The following CNIH1 variants were observed in gnomAD, a reference collection of about 807,000 sequenced individuals.
CNIH1 encodes the protein cornichon family member 1, also known as protein cornichon homolog 1.
CNIH1 carries 12 observed loss-of-function variants against 20.2 expected under a neutral mutation model. The observed-to-expected ratio is 0.59, with a 90% confidence interval of 0.38 to 0.96. The LOEUF (loss-of-function observed/expected upper bound fraction) is 0.96, where lower values mean the gene tolerates loss of function less well. Ranked by LOEUF, CNIH1 falls within the 40% of genes least tolerant of loss-of-function variation. The probability of loss-of-function intolerance (pLI) is 0.00; values close to 1 mark genes in which losing one functional copy is unlikely to be tolerated. For missense variants in CNIH1, 152 were observed against 178.8 expected (o/e 0.85, Z 0.85); for synonymous variants, 69 against 63.3 (o/e 1.09, Z -0.43).
rs902465607 is a variant in CNIH1 at position 54,427,888 on chromosome 14, A to C, written c.408-47T>G. On this transcript the variant is annotated intron_variant, in intron 4 of 4. Transcript: ENST00000216416. ...TTAATTTGAACATTACTAATTATTA[A>C]AAAAAAACTCAGAGCATGAGAGAGT... The C allele has an allele frequency of 9.5e-6, 15 of 1,583,452 alleles. 1 individual carries two copies. In the African/African-American group the frequency reaches 1.5e-4, roughly 16 times the overall value.
chr14:54,428,018 G>C (rs987398847), intron 4 of CNIH1, among the ~76,000 whole-genome samples, 177 bp from the exon 5 acceptor site: 1 of 152,004 alleles, frequency 6.6e-6, no homozygotes, highest in Admixed American at 6.6e-5. Context: ...ATATGACTTG[G>C]CTCAGTGCAT....
intron 1 of CNIH1, chr14:54,436,770 C>A: frequency 2.2e-6 from 1 of 460,452 alleles, no homozygotes. Context: ...ACTGTTTATC[C>A]AAATTCCTCT....
At position 54,425,561 on chromosome 14, in the gene CNIH1, C is replaced by T. The variant is rs1043825877; in HGVS notation, c.*2253G>A. 5 of 152,136 alleles carry T rather than the reference C, an allele frequency of 3.3e-5. No individual in the cohort carries two copies. 9.4% of individuals were successfully genotyped at this position (152,136 alleles called of 1,614,324 possible). A position where few individuals can be genotyped will look rare whatever the true frequency, so the allele number is the denominator to read the frequency against. On this transcript the variant is annotated 3_prime_UTR_variant, in exon 5 of 5. Coordinates refer to ENST00000216416, the MANE Select transcript of CNIH1 (RefSeq NM_005776.3). ...ATCCAGAGCAATGAAAAGAGCCAGT[C>T]GGATATTGTCAGATTCAAGTATTTC...
At chr14:54,430,043 T>G in intron 4 of CNIH1, 1 of 525,856 alleles carries the variant, frequency 1.9e-6, no homozygotes, top group Non-Finnish European at 3.4e-6. Flanking sequence ...GCAGCATCCC[T>G]GACCAAACCT....
In CNIH1 at chr14:54,425,232, G is replaced by A. The variant is rs960084856; in HGVS notation, c.*2582C>T. On this transcript the variant is annotated 3_prime_UTR_variant, in exon 5 of 5. Coordinates refer to ENST00000216416, the MANE Select transcript of CNIH1 (RefSeq NM_005776.3). Reference sequence around the variant, plus strand: ...GGGTTTTAATTCAGGACAATCTGTGGTATCCATAGCAACAAAAAGTTGTTG... The same window carrying A: ...GGGTTTTAATTCAGGACAATCTGTGATATCCATAGCAACAAAAAGTTGTTG... 2 of 152,092 alleles carry A rather than the reference G, an allele frequency of 1.3e-5. No individual in the cohort carries two copies. The highest frequency in any genetic ancestry group is 4.8e-5 in the African/African-American group (2 of 41,400). The allele number at this position is 152,092 out of a possible 1,614,324, so 9.4% of individuals were successfully genotyped here.
chr14:54,437,812 T>C (rs1406131343), intron 1 of CNIH1, among the ~76,000 whole-genome samples: 1 of 152,204 alleles, frequency 6.6e-6, no homozygotes, highest in East Asian at 1.9e-4. Context: ...AGTCTGCTAC[T>C]TGACGTCAGC....
chr14:54,433,294 G>A (rs1477988430), intron 2 of CNIH1, among the ~76,000 whole-genome samples: 1 of 152,106 alleles, frequency 6.6e-6, no homozygotes, highest in Admixed American at 6.6e-5. Context: ...CATGGCTGTA[G>A]ATATTGTAAT....
At chr14:54,436,930 A>G in intron 1 of CNIH1, 1 of 329,548 alleles carries the variant, frequency 3.0e-6, no homozygotes, top group Non-Finnish European at 5.9e-6. Flanking sequence ...GGAGTGTGGT[A>G]TTTACACACA....
intron 1 of CNIH1, among the ~76,000 whole-genome samples, chr14:54,440,750 C>T (rs1396830978): frequency 6.6e-6 from 1 of 152,170 alleles, no homozygotes; most frequent in African/African-American, 2.4e-5. Context: ...TGAAGAGCAC[C>T]GAACAAGTGC....
At chr14:54,434,464 T>G (rs1324010811) in intron 2 of CNIH1, among the ~76,000 whole-genome samples, 2 of 152,210 alleles carry the variant, frequency 1.3e-5, no homozygotes, top group Non-Finnish European at 2.9e-5. Flanking sequence ...TGAGTTCAAG[T>G]TCTGACTCTA....
intron 2 of CNIH1, chr14:54,435,986 C>G (rs1326454113): frequency 4.5e-6 from 3 of 664,184 alleles, no homozygotes; most frequent in African/African-American, 1.8e-5. Flanking sequence ...TATGAACGAG[C>G]ACACTGAACA....
intron 1 of CNIH1, among the ~76,000 whole-genome samples, chr14:54,437,850 G>T (rs2031085895): frequency 2.6e-5 from 4 of 152,260 alleles, no homozygotes; most frequent in Admixed American, 2.6e-4. Flanking sequence ...ATGCATTTTA[G>T]TAATAAAGCT....
At chr14:54,430,446 A>C in intron 3 of CNIH1, 42 bp from the exon 4 acceptor site, 9 of 1,562,594 alleles carry the variant, frequency 5.8e-6, no homozygotes, top group Non-Finnish European at 7.8e-6. Flanking sequence ...AAAGGGCAGT[A>C]AATGTTCAGA....
chr14:54,441,153 G>A (rs1227386621), intron 1 of CNIH1, 94 bp downstream of exon 1: 2 of 1,278,672 alleles, frequency 1.6e-6, no homozygotes, highest in African/African-American at 3.1e-5. Context: ...GACGCGCAAA[G>A]CCCCGGCGGC....
intron 1 of CNIH1, among the ~76,000 whole-genome samples, chr14:54,439,353 T>C (rs753535720): frequency 2.8e-4 from 43 of 152,056 alleles, no homozygotes; most frequent in Admixed American, 2.8e-3. Context: ...TTGTTTAAGC[T>C]GAAATTACCC....
At chr14:54,433,397 T>TA (rs1159897493) in intron 2 of CNIH1, among the ~76,000 whole-genome samples, 1 of 152,070 alleles carries the variant, frequency 6.6e-6, no homozygotes, top group Non-Finnish European at 1.5e-5. Context: ...ATACTATTTT[T>TA]AAAAAAAATC....
At chr14:54,432,274 C>G (rs553183995) in intron 2 of CNIH1, 54 bp from the exon 3 acceptor site, 3 of 942,750 alleles carry the variant, frequency 3.2e-6, no homozygotes, top group Non-Finnish European at 4.7e-6. Context: ...AAGTCAACTA[C>G]TAATCTGGAA....
At chr14:54,429,413 G>A (rs543644969) in intron 4 of CNIH1, among the ~76,000 whole-genome samples, 4 of 152,312 alleles carry the variant, frequency 2.6e-5, no homozygotes, top group South Asian at 2.1e-4. Flanking sequence ...CAACAGTGCC[G>A]AAGCTGAGAC....
intron 4 of CNIH1, among the ~76,000 whole-genome samples, chr14:54,429,408 G>A (rs563202410): frequency 6.6e-6 from 1 of 152,328 alleles, no homozygotes; most frequent in African/African-American, 2.4e-5. Context: ...AGCGTCAACA[G>A]TGCCGAAGCT....
Sources: allele counts gnomAD v4.1 joint callset (sites outside exome capture counted in the v4.1 genomes callset), GRCh38; gene constraint gnomAD v4.1.1; transcripts MANE v1.5; gene names NCBI Gene and HGNC (gene_info 2026-07-23, HGNC 2026-07-21).